KSR2: variants seen among roughly 807,000 people sequenced by gnomAD.
The protein encoded by KSR2 is kinase suppressor of ras 2.
In KSR2, 25 loss-of-function variants were observed where a neutral mutation model predicts 107.8. The ratio of observed to expected loss-of-function variants is 0.23; its 90% CI spans 0.17 to 0.32. The LOEUF (loss-of-function observed/expected upper bound fraction) is 0.32. Among genes scored for constraint, KSR2 ranks in the 10% least tolerant of loss-of-function variants. The pLI, the probability that KSR2 is intolerant of heterozygous loss-of-function variation, is 1.00. For missense variants in KSR2, 887 were observed against 1,268.9 expected, an observed-to-expected ratio of 0.70 and a Z score of 4.57; for synonymous variants, 480 against 507.0, an observed-to-expected ratio of 0.95 and a Z score of 0.71.
At chr12:117,585,996 G>T (rs1316538995) in intron 5 of KSR2, among the ~76,000 whole-genome samples, 3 of 152,236 alleles carry the variant, frequency 2.0e-5, no homozygotes, top group Non-Finnish European at 2.9e-5. Context: ...AAATGCATCT[G>T]CCCAGAAGGG....
rs557947884 is a variant in KSR2 at position 117,783,571 on chromosome 12, G to GA, written c.473-22048dup. On this transcript the variant is annotated intron_variant, in intron 3 of 19. Transcript: ENST00000339824. ...AGCCTATCTTTCCCAAAAATTCTGG[G>GA]AAAAAAAATGGAAAAGGCAACAACC... 1.4e-4 allele frequency among the ~76,000 whole-genome samples: 22 copies of GA among 151,966 alleles called. No individual in the cohort carries two copies. In the East Asian group the frequency reaches 4.1e-3, roughly 28 times the overall value.
At chr12:117,640,949 G>A (rs944300192) in intron 5 of KSR2, among the ~76,000 whole-genome samples, 7 of 152,128 alleles carry the variant, frequency 4.6e-5, no homozygotes, top group African/African-American at 1.2e-4. Flanking sequence ...TCATTAGCAC[G>A]CCACTTGCTG....
chr12:117,935,002 A>T (rs1895796511), intron 1 of KSR2, among the ~76,000 whole-genome samples: 1 of 149,538 alleles, frequency 6.7e-6, no homozygotes, highest in South Asian at 2.1e-4. Flanking sequence ...ATTTTTAAAA[A>T]TTTTTTGTAG....
At chr12:117,926,778 G>A (rs114009089) in intron 1 of KSR2, among the ~76,000 whole-genome samples, 116 of 152,320 alleles carry the variant, frequency 7.6e-4, no homozygotes, top group African/African-American at 2.7e-3. Flanking sequence ...TTGCTAGACC[G>A]CCTTTCAGCA....
intron 4 of KSR2, among the ~76,000 whole-genome samples, chr12:117,743,455 C>G (rs940104534): frequency 6.6e-6 from 1 of 152,176 alleles, no homozygotes; most frequent in Admixed American, 6.5e-5. Flanking sequence ...GCAAATGTCT[C>G]CTTCTTTGAC....
chr12:117,501,460 T>A (rs1873371603), intron 14 of KSR2, among the ~76,000 whole-genome samples: 1 of 152,212 alleles, frequency 6.6e-6, no homozygotes, highest in African/African-American at 2.4e-5. Context: ...GTCACGTGGA[T>A]TTTCCATTCA....
intron 3 of KSR2, among the ~76,000 whole-genome samples, chr12:117,834,949 C>T (rs1423207271): frequency 6.6e-6 from 1 of 152,180 alleles, no homozygotes; most frequent in Non-Finnish European, 1.5e-5. Context: ...AGAAGCTGTG[C>T]GGGTAAACCA....
chr12:117,513,331 G>A (rs1243089914), intron 14 of KSR2, among the ~76,000 whole-genome samples: 1 of 152,044 alleles, frequency 6.6e-6, no homozygotes, highest in African/African-American at 2.4e-5. Context: ...TTGATTTATG[G>A]ACCTAATTAT....
chr12:117,873,723 G>A (rs1349381432), intron 1 of KSR2, among the ~76,000 whole-genome samples: 5 of 152,072 alleles, frequency 3.3e-5, no homozygotes, highest in Non-Finnish European at 4.4e-5. Context: ...GGCCTCCCAA[G>A]GTGCTGGGAT....
At chr12:117,506,198 T>C (rs1406252758) in intron 14 of KSR2, among the ~76,000 whole-genome samples, 1 of 152,214 alleles carries the variant, frequency 6.6e-6, no homozygotes, top group African/African-American at 2.4e-5. Context: ...GATACACATG[T>C]CACCAGTATT....
intron 3 of KSR2, among the ~76,000 whole-genome samples, chr12:117,766,677 G>T (rs1889240734): frequency 6.6e-6 from 1 of 152,044 alleles, no homozygotes; most frequent in Non-Finnish European, 1.5e-5. Context: ...GGTGGGGGTG[G>T]GTAGGAGAAG....
intron 1 of KSR2, among the ~76,000 whole-genome samples, chr12:117,903,370 G>A (rs938245508): frequency 7.9e-5 from 12 of 152,176 alleles, no homozygotes; most frequent in East Asian, 7.7e-4. Flanking sequence ...TGAGTCACCC[G>A]AGTTAGCAAA....
chr12:117,556,818 C>G (rs1371943608), intron 8 of KSR2, among the ~76,000 whole-genome samples: 1 of 152,156 alleles, frequency 6.6e-6, no homozygotes, highest in Non-Finnish European at 1.5e-5. Flanking sequence ...GAGGGGCTTG[C>G]AGGGAGGCAG....
intron 3 of KSR2, among the ~76,000 whole-genome samples, chr12:117,807,346 AGAGG>A (rs1436139451): frequency 2.6e-5 from 4 of 152,224 alleles, no homozygotes; most frequent in Non-Finnish European, 5.9e-5. Context: ...AAAAAGAGAG[AGAGG>A]GAGAGAAGAG....
chr12:117,929,291 C>G (rs908798838), intron 1 of KSR2, among the ~76,000 whole-genome samples: 1 of 152,188 alleles, frequency 6.6e-6, no homozygotes, highest in East Asian at 1.9e-4. Context: ...AGGGTCCCAA[C>G]TGGGAGATAA....
At chr12:117,694,191 G>A (rs900680006) in intron 4 of KSR2, among the ~76,000 whole-genome samples, 14 of 152,266 alleles carry the variant, frequency 9.2e-5, no homozygotes, top group East Asian at 5.8e-4. Flanking sequence ...GTTTGGCTGC[G>A]TCCACACCCA....
intron 3 of KSR2, among the ~76,000 whole-genome samples, chr12:117,817,036 C>T (rs552953794): frequency 2.2e-4 from 34 of 152,066 alleles, no homozygotes; most frequent in East Asian, 1.8e-3. Flanking sequence ...GAAAGATGAA[C>T]AGCTGGATGG....
chr12:117,711,768 T>C (rs1261679384), intron 4 of KSR2, among the ~76,000 whole-genome samples: 15 of 152,194 alleles, frequency 9.9e-5, no homozygotes, highest in African/African-American at 3.6e-4. Context: ...CACCTTAAGC[T>C]CTTGCAGAGA....
rs546578312 is a variant in KSR2, at chr12:117,581,417, T to C, written c.1241+873A>G. On this transcript the variant is annotated intron_variant, in intron 6 of 19. Transcript: ENST00000339824. ...AATATAAGAGGAAAGAATCCATGAA[T>C]AAGGGAACAGGTCCTCCAGTGAGTT... Among the ~76,000 whole-genome samples, 94 of 152,240 alleles carry C rather than the reference T, an allele frequency of 6.2e-4. 1 individual carries two copies. Among genetic ancestry groups the C allele is most frequent in the Non-Finnish European group, 1.2e-3 (82 of 68,018 alleles).
Sources: gnomAD v4.1 joint callset for allele counts (sites outside exome capture counted in the v4.1 genomes callset) on GRCh38, gnomAD v4.1.1 for gene constraint, MANE v1.5 for transcripts, NCBI Gene and HGNC (gene_info 2026-07-23, HGNC 2026-07-21) for gene names.